Variants in TACC1 observed in about 807,000 individuals in gnomAD.
The protein encoded by TACC1 is transforming acidic coiled-coil containing protein 1, also known as transforming acidic coiled-coil-containing protein 1.
Under a neutral mutation model 84.4 loss-of-function variants are expected in TACC1, and 48 were observed. That is an observed-to-expected ratio of 0.57 (90% CI 0.45 to 0.72). The LOEUF (loss-of-function observed/expected upper bound fraction) is 0.72. TACC1 is among the 30% of genes least tolerant of loss of function. TACC1 has a pLI of 0.00. For missense variants in TACC1, 920 were observed against 973.0 expected (o/e 0.95, Z 0.72); for synonymous variants, 372 against 376.3 (o/e 0.99, Z 0.13).
chr8:38,760,771 C>CT (rs1811061438), intron 3 of TACC1, among the ~76,000 whole-genome samples: 1 of 152,186 alleles, frequency 6.6e-6, no homozygotes, highest in South Asian at 2.1e-4. Flanking sequence ...ATCCACCCAC[C>CT]TCACCCTCCC....
intron 2 of TACC1, among the ~76,000 whole-genome samples, chr8:38,796,115 G>A (rs565715353): frequency 3.3e-5 from 5 of 152,288 alleles, no homozygotes; most frequent in African/African-American, 9.6e-5. Context: ...TATTAGATGT[G>A]TTGGGAACAA....
intron 1 of TACC1, among the ~76,000 whole-genome samples, chr8:38,740,459 C>A (rs1368993790): frequency 6.6e-6 from 1 of 152,114 alleles, no homozygotes; most frequent in Non-Finnish European, 1.5e-5. Flanking sequence ...TTTTTGATCC[C>A]AAATGTGGCT....
chr8:38,763,844 A>G (rs1426723290), intron 3 of TACC1, among the ~76,000 whole-genome samples: 1 of 152,176 alleles, frequency 6.6e-6, no homozygotes, highest in Non-Finnish European at 1.5e-5. Context: ...TAGGTTGGTT[A>G]TCATTTTTGC....
At chr8:38,738,293 C>T (rs1359663397) in intron 1 of TACC1, among the ~76,000 whole-genome samples, 1 of 151,990 alleles carries the variant, frequency 6.6e-6, no homozygotes, top group East Asian at 1.9e-4. Flanking sequence ...CCTGTAGTCC[C>T]AGCTACTTGG....
At chr8:38,771,115 A>G (rs1813519574) in intron 3 of TACC1, among the ~76,000 whole-genome samples, 2 of 152,212 alleles carry the variant, frequency 1.3e-5, no homozygotes, top group Admixed American at 1.3e-4. Flanking sequence ...GACATGAATT[A>G]GATGGGCTTG....
chr8:38,754,938 G>T (rs528971682), intron 3 of TACC1, among the ~76,000 whole-genome samples: 4 of 152,152 alleles, frequency 2.6e-5, no homozygotes, highest in Admixed American at 2.0e-4. Context: ...CGAGGCAGGC[G>T]GATCACAAGG....
chr8:38,840,311 C>T, intron 9 of TACC1, 44 bp downstream of exon 9: 1 of 1,544,962 alleles, frequency 6.5e-7, no homozygotes, highest in Non-Finnish European at 8.9e-7. Flanking sequence ...GCCATAGGAT[C>T]TGTCTTAGTC....
chr8:38,839,429 T>C lies in TACC1; in HGVS notation c.1917-795T>C. 1.3e-5 allele frequency: 5 copies of C among 385,914 alleles called. No homozygotes were observed. In the East Asian group the frequency reaches 1.8e-4, roughly 14 times the overall value. The allele number at this position is 385,914 out of a possible 1,614,324, so 23.9% of individuals were successfully genotyped here. A position where few individuals can be genotyped will look rare whatever the true frequency, so the allele number is the denominator to read the frequency against. ...CACAGTGTGGTCAACACTTGAATGA[T>C]TAAAAAACATTTTAAGTATATCCCT... On this transcript the variant is annotated intron_variant, in intron 8 of 12. Transcript: ENST00000317827.
intron 3 of TACC1, among the ~76,000 whole-genome samples, chr8:38,769,925 GGTGT>G (rs1813229791): frequency 6.6e-6 from 1 of 150,938 alleles, no homozygotes; most frequent in Non-Finnish European, 1.5e-5. Flanking sequence ...GTGATTGTGT[GGTGT>G]GTGTGACTGT....
At chr8:38,747,712 T>C (rs1808325109) in intron 3 of TACC1, among the ~76,000 whole-genome samples, 1 of 152,208 alleles carries the variant, frequency 6.6e-6, no homozygotes, top group African/African-American at 2.4e-5. Context: ...GATGAATAGA[T>C]GAAACATAGA....
intron 2 of TACC1, among the ~76,000 whole-genome samples, chr8:38,811,658 A>G (rs1824169833): frequency 1.3e-5 from 2 of 152,204 alleles, no homozygotes; most frequent in African/African-American, 4.8e-5. Flanking sequence ...TAATCTCTTA[A>G]TCCTGTTATC....
chr8:38,765,499 A>G (rs1347615542), intron 3 of TACC1, among the ~76,000 whole-genome samples: 2 of 152,226 alleles, frequency 1.3e-5, no homozygotes, highest in African/African-American at 4.8e-5. Context: ...CTGTCCACAC[A>G]TGAATATCCA....
At position 38,820,198 on chromosome 8, in the gene TACC1, C is replaced by T. The variant is rs61734982; in HGVS notation, c.954C>T (p.Leu318=). ...ELGEESRSSP[L]KLEFDFTEDT... ...GGGAGGAGTCGAGGAGCTCACCTCT[C>T]AAGCTTGAGTTTGATTTCACAGAAG... is the stretch of plus-strand genomic sequence containing the variant. Residue 318 remains leucine (L), a synonymous_variant, in exon 3 of 13, where the codon CTC becomes CTT. Transcript: ENST00000317827. 21 of 1,613,924 alleles carry T rather than the reference C, an allele frequency of 1.3e-5. No individual in the cohort carries two copies. The highest frequency in any genetic ancestry group is 5.1e-6 in the Non-Finnish European group (6 of 1,179,992).
intron 1 of TACC1, chr8:38,742,251 A>G (rs1421716127): frequency 2.1e-6 from 1 of 474,434 alleles, no homozygotes; most frequent in African/African-American, 2.0e-5. Flanking sequence ...CTGCAGAGGA[A>G]TTTCTGAAAG....
chr8:38,798,232 C>T (rs1055381515), intron 2 of TACC1, among the ~76,000 whole-genome samples: 1 of 152,028 alleles, frequency 6.6e-6, no homozygotes, highest in Admixed American at 6.6e-5. Context: ...AAGGGATCCT[C>T]CTGACTCAGC....
chr8:38,837,231 G>A (rs573668261), intron 7 of TACC1, among the ~76,000 whole-genome samples: 26 of 148,098 alleles, frequency 1.8e-4, no homozygotes, highest in African/African-American at 6.2e-4. Flanking sequence ...ACTGACCAAC[G>A]TGGAGAAACC....
At chr8:38,786,982 C>T (rs1177077961), upstream of TACC1, among the ~76,000 whole-genome samples, 3 of 151,960 alleles carry the variant, frequency 2.0e-5, no homozygotes, top group African/African-American at 7.2e-5. Flanking sequence ...AAACGGTCCT[C>T]CTCTGCCCCG....
At chr8:38,788,899 T>A in intron 2 of TACC1, 80 bp downstream of exon 2, 1 of 1,147,180 alleles carries the variant, frequency 8.7e-7, no homozygotes, top group Non-Finnish European at 1.3e-6. Context: ...GAAAAAAGTG[T>A]AAATTTAGGA....
At position 38,754,243 on chromosome 8, in the gene TACC1, C is replaced by A. The variant is rs539904710; in HGVS notation, c.26+8750C>A. Reference sequence around the variant, plus strand: ...CTGGGATTACAGGTGTGAGCCACCGCGCCCGGCCTTTTTCCTTTACTTTCA... The same window carrying A: ...CTGGGATTACAGGTGTGAGCCACCGAGCCCGGCCTTTTTCCTTTACTTTCA... On this transcript the variant is annotated intron_variant, in intron 3 of 14. Coordinates refer to the TACC1 transcript ENST00000518415. 3.9e-5 allele frequency among the ~76,000 whole-genome samples: 6 copies of A among 152,184 alleles called. No homozygotes were observed. The South Asian group carries it at 1.0e-3, about 26-fold the overall frequency.
Sources: allele counts gnomAD v4.1 joint callset (sites outside exome capture counted in the v4.1 genomes callset), GRCh38; gene constraint gnomAD v4.1.1; transcripts MANE v1.5; gene names NCBI Gene and HGNC (gene_info 2026-07-23, HGNC 2026-07-21).